FAM168B: variants seen among roughly 807,000 people sequenced by gnomAD.
The protein encoded by FAM168B is family with sequence similarity 168 member B, also known as myelin-associated neurite-outgrowth inhibitor.
A neutral mutation model predicts 21.8 loss-of-function variants in FAM168B; 19 were observed. That is an observed-to-expected ratio of 0.87 (90% CI 0.61 to 1.28). The LOEUF is 1.28. FAM168B is among the 50% of genes most tolerant of loss of function. The probability of loss-of-function intolerance (pLI) is 0.00; values close to 1 mark genes in which losing one functional copy is unlikely to be tolerated. For synonymous variants in FAM168B, 126 were observed against 104.8 expected (o/e 1.20, Z -1.24); for missense variants, 233 against 263.1 (o/e 0.89, Z 0.79).
At chr2:131,061,706 T>C (rs1245204078) in intron 3 of FAM168B, among the ~76,000 whole-genome samples, 1 of 150,704 alleles carries the variant, frequency 6.6e-6, no homozygotes, top group Non-Finnish European at 1.5e-5. Context: ...CAGCTGAACC[T>C]GGGAGGTGGA....
At chr2:131,092,783 G>A (rs1342881406) in intron 1 of FAM168B, among the ~76,000 whole-genome samples, 2 of 152,024 alleles carry the variant, frequency 1.3e-5, no homozygotes, top group Non-Finnish European at 2.9e-5. Context: ...AAGCTGGAAG[G>A]AGAACGCTCA....
intron 6 of FAM168B, among the ~76,000 whole-genome samples, 165 bp from the exon 7 acceptor site, chr2:131,052,617 A>C (rs1450475697): frequency 6.6e-6 from 1 of 152,180 alleles, no homozygotes; most frequent in Non-Finnish European, 1.5e-5. Flanking sequence ...TTGCAACTGG[A>C]GCCCTATTTC....
intron 2 of FAM168B, among the ~76,000 whole-genome samples, chr2:131,079,432 GC>G (rs1333956232): frequency 8.5e-5 from 13 of 152,272 alleles, no homozygotes; most frequent in African/African-American, 3.1e-4. Flanking sequence ...CCAAGATCAC[GC>G]CACTGCACTC....
At chr2:131,070,270 G>A (rs944592161) in intron 3 of FAM168B, among the ~76,000 whole-genome samples, 1 of 152,126 alleles carries the variant, frequency 6.6e-6, no homozygotes, top group African/African-American at 2.4e-5. Context: ...TCAACGATAA[G>A]AAAACAATAA....
intron 1 of FAM168B, among the ~76,000 whole-genome samples, chr2:131,087,254 A>C (rs574786991): frequency 7.2e-5 from 11 of 152,182 alleles, no homozygotes; most frequent in Admixed American, 3.9e-4. Flanking sequence ...GGATCACTTG[A>C]GGTCAGGAGT....
intron 3 of FAM168B, 77 bp from the exon 4 acceptor site, chr2:131,055,772 C>G (rs1366081964): frequency 1.3e-6 from 2 of 1,542,440 alleles, no homozygotes; most frequent in African/African-American, 2.7e-5. Context: ...CAGGGAGGAG[C>G]TAAGCTGCGT....
chr2:131,079,995 T>C (rs1693353550), intron 2 of FAM168B, among the ~76,000 whole-genome samples: 1 of 151,938 alleles, frequency 6.6e-6, no homozygotes, highest in African/African-American at 2.4e-5. Flanking sequence ...CAGGCGCCTG[T>C]AATCCCAGCA....
Position 131,048,488 on chromosome 2 carries a change from T to C in FAM168B, c.*3977A>G. ...TTCACTTCAGTCCTGTGGACCAAGA[T>C]AAGGCTATCCCCACAGGCTCTCTCT... On this transcript the variant is annotated 3_prime_UTR_variant, in exon 7 of 7. Transcript: ENST00000389915. The C allele has an allele frequency of 2.6e-6, 3 of 1,139,654 alleles. No homozygotes were observed. Among genetic ancestry groups the C allele is most frequent in the Non-Finnish European group, 3.3e-6 (3 of 905,718 alleles). 70.6% of individuals were successfully genotyped at this position (1,139,654 alleles called of 1,614,324 possible). A position where few individuals can be genotyped will look rare whatever the true frequency, so the allele number is the denominator to read the frequency against.
rs533937483 is a variant in FAM168B, at chr2:131,051,552, G to T, written c.*913C>A. The T allele has an allele frequency of 1.0e-6, 1 of 984,722 alleles. No individual in the cohort carries two copies. Among genetic ancestry groups the T allele is most frequent in the Admixed American group, 6.2e-5 (1 of 16,238 alleles). 61.0% of individuals were successfully genotyped at this position (984,722 alleles called of 1,614,324 possible). ...GAGGACAATACCTCCTGCAAGCATG[G>T]CTGTTTCTCTTTCACATTTCTTCCA... On this transcript the variant is annotated 3_prime_UTR_variant, in exon 7 of 7. Transcript: ENST00000389915.
chr2:131,082,506 C>A, intron 2 of FAM168B, 71 bp downstream of exon 2: 4 of 1,039,140 alleles, frequency 3.8e-6, no homozygotes, highest in Non-Finnish European at 5.7e-6. Flanking sequence ...CAATAGAAAG[C>A]ATTCTTAGTG....
chr2:131,051,209 C>G lies in FAM168B; in HGVS notation c.*1256G>C, dbSNP rs1243485949. ...CACTGGCCTCCCCCTCGCCCCATCTCTAAGCGTCCCCTCCAGCCGGCCTCA... is the reference window on the plus strand; with the variant it reads ...CACTGGCCTCCCCCTCGCCCCATCTGTAAGCGTCCCCTCCAGCCGGCCTCA... On this transcript the variant is annotated 3_prime_UTR_variant, in exon 7 of 7. Transcript: ENST00000389915. 3.0e-6 allele frequency: 3 copies of G among 984,880 alleles called. No homozygotes were observed. The highest frequency in any genetic ancestry group is 4.7e-5 in the South Asian group (1 of 21,252). The allele number at this position is 984,880 out of a possible 1,614,324, so 61.0% of individuals were successfully genotyped here.
chr2:131,062,443 G>A (rs1349525630), intron 3 of FAM168B, among the ~76,000 whole-genome samples: 2 of 152,004 alleles, frequency 1.3e-5, no homozygotes, highest in African/African-American at 4.8e-5. Context: ...AATCACCCAA[G>A]GTGTCTTTTT....
At chr2:131,059,716 T>C (rs1341095324) in intron 3 of FAM168B, among the ~76,000 whole-genome samples, 1 of 152,212 alleles carries the variant, frequency 6.6e-6, no homozygotes, top group Non-Finnish European at 1.5e-5. Flanking sequence ...CAGGGTTCCC[T>C]TTCTTCATAC....
At chr2:131,080,533 G>T (rs756717191) in intron 2 of FAM168B, among the ~76,000 whole-genome samples, 1 of 150,784 alleles carries the variant, frequency 6.6e-6, no homozygotes, top group Non-Finnish European at 1.5e-5. Context: ...CTGGAGAATC[G>T]CTTGAACCCG....
In FAM168B at chr2:131,054,087, T is replaced by C. The variant is rs146392026; in HGVS notation, c.476-1072A>G. Among the ~76,000 whole-genome samples, 18 of 151,944 alleles carry C rather than the reference T, an allele frequency of 1.2e-4. No homozygotes were observed. In the East Asian group the frequency reaches 3.3e-3, roughly 28 times the overall value. Reference sequence around the variant, plus strand: ...AGGCAGGCATGGTGGCAGGCGCCTGTAGTCCCAGCTACTGGGAAGGATGAG... The same window carrying C: ...AGGCAGGCATGGTGGCAGGCGCCTGCAGTCCCAGCTACTGGGAAGGATGAG... On this transcript the variant is annotated intron_variant, in intron 5 of 6. Coordinates refer to ENST00000389915, the MANE Select transcript of FAM168B (RefSeq NM_001009993.4).
chr2:131,068,169 C>CT, intron 3 of FAM168B, among the ~76,000 whole-genome samples: 1 of 152,036 alleles, frequency 6.6e-6, no homozygotes, highest in South Asian at 2.1e-4. Flanking sequence ...TTTCTTTTTT[C>CT]TTTTTTTGAG....
At chr2:131,082,230 G>A (rs1693460859) in intron 2 of FAM168B, among the ~76,000 whole-genome samples, 1 of 152,202 alleles carries the variant, frequency 6.6e-6, no homozygotes, top group African/African-American at 2.4e-5. Flanking sequence ...AGGCTTTCCT[G>A]TAGAGTGGAG....
intron 2 of FAM168B, among the ~76,000 whole-genome samples, chr2:131,076,955 G>A (rs1021439196): frequency 1.3e-5 from 2 of 151,950 alleles, no homozygotes; most frequent in Admixed American, 1.3e-4. Context: ...CAGGCTGTGG[G>A]GAAATCGTCT....
At chr2:131,067,844 G>C (rs1165579319) in intron 3 of FAM168B, among the ~76,000 whole-genome samples, 1 of 152,122 alleles carries the variant, frequency 6.6e-6, no homozygotes. Context: ...ATTTTGGCTT[G>C]CTCATCAGAA....
Sources: allele counts gnomAD v4.1 joint callset (sites outside exome capture counted in the v4.1 genomes callset), GRCh38; gene constraint gnomAD v4.1.1; transcripts MANE v1.5; gene names NCBI Gene and HGNC (gene_info 2026-07-23, HGNC 2026-07-21).